SHANK2: variants seen among roughly 807,000 people sequenced by gnomAD.
The protein encoded by SHANK2 is SH3 and multiple ankyrin repeat domains 2.
A neutral mutation model predicts 133.7 loss-of-function variants in SHANK2; 43 were observed. That is an observed-to-expected ratio of 0.32 (90% CI 0.25 to 0.41). The LOEUF (loss-of-function observed/expected upper bound fraction) is 0.41, where lower values mean the gene tolerates loss of function less well. Among genes scored for constraint, SHANK2 ranks in the 10% least tolerant of loss-of-function variants. The probability of loss-of-function intolerance (pLI) is 1.00; values close to 1 mark genes in which losing one functional copy is unlikely to be tolerated. For missense variants in SHANK2, 1,994 were observed against 2,235.8 expected (o/e 0.89, Z 2.18); for synonymous variants, 1,017 against 952.8 (o/e 1.07, Z -1.24).
At chr11:71,090,449 G>C (rs1246970059) in intron 8 of SHANK2, among the ~76,000 whole-genome samples, 1,869 of 30,906 alleles carry the variant, frequency 0.06, 501 homozygotes, top group Non-Finnish European at 0.1. Flanking sequence ...CTACGTGTGT[G>C]TGTGTGTGTG....
intron 21 of SHANK2, among the ~76,000 whole-genome samples, chr11:70,496,541 G>A (rs1555157136): frequency 6.6e-6 from 1 of 152,238 alleles, no homozygotes; most frequent in East Asian, 1.9e-4. Flanking sequence ...GGTCAATAAT[G>A]ACAGCCGTCC....
chr11:71,073,090 G>A (rs919616381), intron 9 of SHANK2, among the ~76,000 whole-genome samples: 32 of 150,420 alleles, frequency 2.1e-4, no homozygotes, highest in African/African-American at 7.1e-4. Context: ...ACATTGGGGC[G>A]TATCTGTCCC....
In SHANK2 at chr11:70,517,874, G is replaced by A. The variant is rs559945823; in HGVS notation, c.2062-14943C>T. On this transcript the variant is annotated intron_variant, in intron 17 of 25. Coordinates refer to ENST00000601538, the MANE Select transcript of SHANK2 (RefSeq NM_012309.5). ...ACTACGGGCTTTAGTTAATAATGGT[G>A]TATCAATATTGGCTTCTCAACTGTG... Among the ~76,000 whole-genome samples the A allele has an allele frequency of 1.1e-4, 16 of 152,308 alleles. No individual in the cohort carries two copies. In the East Asian group the frequency reaches 2.9e-3, roughly 28 times the overall value.
chr11:70,637,708 C>G (rs1023006461), intron 17 of SHANK2, among the ~76,000 whole-genome samples: 1 of 152,218 alleles, frequency 6.6e-6, no homozygotes, highest in East Asian at 1.9e-4. Context: ...TCCAGACCCT[C>G]GAAAGCCCTG....
intron 9 of SHANK2, among the ~76,000 whole-genome samples, chr11:71,060,634 G>A (rs973603444): frequency 2.0e-5 from 3 of 152,256 alleles, no homozygotes; most frequent in African/African-American, 4.8e-5. Context: ...CAGCAGGGGA[G>A]GGACAGATGC....
At chr11:71,089,810 G>A (rs1469752888) in intron 8 of SHANK2, among the ~76,000 whole-genome samples, 3 of 152,208 alleles carry the variant, frequency 2.0e-5, no homozygotes, top group Non-Finnish European at 4.4e-5. Context: ...GGCTCAGAAG[G>A]GCCAGGCCTG....
intron 2 of SHANK2, among the ~76,000 whole-genome samples, chr11:71,224,349 C>T (rs1238261541): frequency 1.3e-5 from 2 of 152,188 alleles, no homozygotes; most frequent in African/African-American, 4.8e-5. Context: ...GGCGCACCCC[C>T]GTTCATGTGA....
chr11:71,123,164 A>C (rs560324127), intron 3 of SHANK2, among the ~76,000 whole-genome samples: 1 of 152,080 alleles, frequency 6.6e-6, no homozygotes, highest in African/African-American at 2.4e-5. Context: ...TTCTTCACCT[A>C]CCCATCATTG....
intron 8 of SHANK2, among the ~76,000 whole-genome samples, chr11:71,085,902 AT>A (rs1250077154): frequency 0.98 from 32,427 of 33,128 alleles, 15,864 homozygotes; most frequent in Middle Eastern, 1. Context: ...ATATATATTA[AT>A]TATATATTAA....
intron 14 of SHANK2, among the ~76,000 whole-genome samples, chr11:70,786,074 C>T (rs977479722): frequency 2.0e-5 from 3 of 152,136 alleles, no homozygotes; most frequent in South Asian, 2.1e-4. Context: ...TAAGCGGGAC[C>T]GTGCCAGAAT....
At chr11:70,513,176 A>T (rs1380570260) in intron 17 of SHANK2, among the ~76,000 whole-genome samples, 4 of 149,952 alleles carry the variant, frequency 2.7e-5, no homozygotes, top group Admixed American at 6.6e-5. Context: ...TTTTTTTTTT[A>T]AATCCAGATC....
At chr11:70,866,769 C>G (rs1433630095) in intron 11 of SHANK2, among the ~76,000 whole-genome samples, 1 of 152,102 alleles carries the variant, frequency 6.6e-6, no homozygotes, top group Non-Finnish European at 1.5e-5. Flanking sequence ...TTTCCTATGT[C>G]TACCCGGCAA....
chr11:71,113,224 T>C (rs1951918950), intron 5 of SHANK2, 69 bp downstream of exon 5: 1 of 1,376,034 alleles, frequency 7.3e-7, no homozygotes, highest in Admixed American at 2.0e-5. Context: ...CGTCTAAAGA[T>C]AACACAACAA....
chr11:70,655,948 A>G (rs2061400958), intron 17 of SHANK2, among the ~76,000 whole-genome samples: 1 of 152,150 alleles, frequency 6.6e-6, no homozygotes, highest in Non-Finnish European at 1.5e-5. Flanking sequence ...CGAGGTTTCT[A>G]TAACCCTCAG....
intron 10 of SHANK2, among the ~76,000 whole-genome samples, chr11:70,922,695 A>C (rs1461893124): frequency 6.6e-6 from 1 of 152,226 alleles, no homozygotes; most frequent in African/African-American, 2.4e-5. Context: ...GAATTCTAAA[A>C]AGGACTTCTT....
chr11:70,775,866 G>A (rs1477763951), intron 14 of SHANK2, among the ~76,000 whole-genome samples: 2 of 152,220 alleles, frequency 1.3e-5, no homozygotes, highest in African/African-American at 2.4e-5. Context: ...CATAATCCCC[G>A]AATCTGTTTC....
At chr11:71,125,946 G>A (rs545370560) in intron 3 of SHANK2, among the ~76,000 whole-genome samples, 6 of 152,198 alleles carry the variant, frequency 3.9e-5, no homozygotes, top group Non-Finnish European at 7.4e-5. Context: ...TCGGCCAGGC[G>A]CGGTGGCTCA....
intron 17 of SHANK2, among the ~76,000 whole-genome samples, chr11:70,594,005 G>T (rs1554988749): frequency 6.6e-6 from 1 of 152,168 alleles, no homozygotes; most frequent in African/African-American, 2.4e-5. Flanking sequence ...GGAGGGGCTT[G>T]CAGAAAGAAG....
At position 70,592,020 on chromosome 11, in the gene SHANK2, G is replaced by A. The variant is rs1000398337; in HGVS notation, c.2061+67808C>T. On this transcript the variant is annotated intron_variant, in intron 17 of 25. Coordinates refer to ENST00000601538, the MANE Select transcript of SHANK2 (RefSeq NM_012309.5). Reference sequence around the variant, plus strand: ...CGCACTCCAGTCTGGGCGATAGAGCGAGACTCCGTCTAAAAAAAAAATAAA... The same window carrying A: ...CGCACTCCAGTCTGGGCGATAGAGCAAGACTCCGTCTAAAAAAAAAATAAA... Among the ~76,000 whole-genome samples, 13 of 151,600 alleles carry A rather than the reference G, an allele frequency of 8.6e-5. No homozygotes were observed. In the East Asian group the frequency reaches 1.6e-3, roughly 18 times the overall value.
Sources: gnomAD v4.1 joint callset for allele counts (sites outside exome capture counted in the v4.1 genomes callset) on GRCh38, gnomAD v4.1.1 for gene constraint, MANE v1.5 for transcripts, NCBI Gene and HGNC (gene_info 2026-07-23, HGNC 2026-07-21) for gene names.